PDE7B: variants seen among roughly 807,000 people sequenced by gnomAD.
PDE7B encodes phosphodiesterase 7B, also known as 3',5'-cyclic-AMP phosphodiesterase 7B.
A neutral mutation model predicts 56.2 loss-of-function variants in PDE7B; 29 were observed. That is an observed-to-expected ratio of 0.52 (90% CI 0.38 to 0.70). PDE7B has a LOEUF of 0.70. PDE7B is among the 30% of genes least tolerant of loss of function. The pLI is 0.00. For synonymous variants in PDE7B, 197 were observed against 196.9 expected (o/e 1.00, Z 0.00); for missense variants, 490 against 565.0 (o/e 0.87, Z 1.35).
intron 4 of PDE7B, among the ~76,000 whole-genome samples, chr6:136,148,059 G>A (rs532363248): frequency 1.3e-5 from 2 of 152,274 alleles, no homozygotes; most frequent in East Asian, 3.9e-4. Context: ...TGAAAAAAGT[G>A]TTCAGGTTAT....
At chr6:135,962,979 ATGGAAG>A (rs2128201689) in intron 2 of PDE7B, among the ~76,000 whole-genome samples, 1 of 152,328 alleles carries the variant, frequency 6.6e-6, no homozygotes, top group East Asian at 1.9e-4. Context: ...TCTGCGGCAA[ATGGAAG>A]CCTTCCAGAA....
intron 3 of PDE7B, among the ~76,000 whole-genome samples, chr6:136,141,408 A>G (rs4329135): frequency 0.46 from 69,919 of 151,912 alleles, 16,807 homozygotes; most frequent in African/African-American, 0.62. Context: ...GTTCATCAGG[A>G]ATATTGGTCT....
rs12529178 is a variant in PDE7B, at chr6:135,935,186, T to A, written c.22-12278T>A. On this transcript the variant is annotated intron_variant, in intron 1 of 12. Transcript: ENST00000308191. ...GACAGAGAATTTTATATATATATAT[T>A]TATTTATATATATATATATATATAT... 3.3e-3 allele frequency among the ~76,000 whole-genome samples: 127 copies of A among 38,418 alleles called. 8 individuals carry two copies. Among genetic ancestry groups the A allele is most frequent in the African/African-American group, 0.017 (116 of 6,726 alleles). The allele number at this position is 38,418 out of a possible 152,430, so 25.2% of individuals were successfully genotyped here. A position where few individuals can be genotyped will look rare whatever the true frequency, so the allele number is the denominator to read the frequency against.
chr6:135,885,330 T>TG (rs1414937386), intron 1 of PDE7B, among the ~76,000 whole-genome samples: 10 of 32,950 alleles, frequency 3.0e-4, no homozygotes, highest in African/African-American at 2.4e-3. Flanking sequence ...TGTTTGTTGT[T>TG]TTTTTTTTTT....
At chr6:135,999,767 G>A (rs1290442117) in intron 2 of PDE7B, among the ~76,000 whole-genome samples, 1 of 151,950 alleles carries the variant, frequency 6.6e-6, no homozygotes, top group Non-Finnish European at 1.5e-5. Context: ...ACATTGCTCT[G>A]GGTATATAGC....
intron 12 of PDE7B, among the ~76,000 whole-genome samples, chr6:136,191,013 CTTTTT>C (rs752187218): frequency 1.2e-4 from 12 of 99,304 alleles, no homozygotes; most frequent in African/African-American, 1.1e-3. Flanking sequence ...CCAGCATACA[CTTTTT>C]TTTTTTTTTT....
intron 8 of PDE7B, among the ~76,000 whole-genome samples, chr6:136,160,334 C>T (rs780240047): frequency 6.6e-6 from 1 of 152,028 alleles, no homozygotes; most frequent in African/African-American, 2.4e-5. Flanking sequence ...TTTAGATCTC[C>T]ATGACCATTT....
intron 3 of PDE7B, among the ~76,000 whole-genome samples, chr6:136,128,121 T>A (rs1778052053): frequency 6.6e-6 from 1 of 152,150 alleles, no homozygotes; most frequent in Admixed American, 6.5e-5. Flanking sequence ...AGGTCTTGCT[T>A]TTTACCAAGA....
At chr6:136,026,823 TTC>T (rs1776160548) in intron 2 of PDE7B, among the ~76,000 whole-genome samples, 2 of 152,198 alleles carry the variant, frequency 1.3e-5, no homozygotes. Flanking sequence ...AATCTGAAGC[TTC>T]TGTTTTCTGG....
At chr6:136,061,148 G>A (rs1465678773) in intron 2 of PDE7B, among the ~76,000 whole-genome samples, 1 of 151,950 alleles carries the variant, frequency 6.6e-6, no homozygotes, top group Non-Finnish European at 1.5e-5. Flanking sequence ...ATCAATATTA[G>A]TGTCAATGGC....
intron 1 of PDE7B, among the ~76,000 whole-genome samples, chr6:135,853,332 C>T (rs1489863672): frequency 6.6e-6 from 1 of 152,144 alleles, no homozygotes; most frequent in African/African-American, 2.4e-5. Flanking sequence ...AAGTTAAGAA[C>T]TGCAAAAATA....
At chr6:136,029,669 T>A (rs562603519) in intron 2 of PDE7B, among the ~76,000 whole-genome samples, 23 of 152,120 alleles carry the variant, frequency 1.5e-4, no homozygotes, top group Non-Finnish European at 2.9e-4. Context: ...TTTAAAGTAA[T>A]TTTCAAAATA....
At chr6:135,899,595 G>A (rs935225814) in intron 1 of PDE7B, among the ~76,000 whole-genome samples, 1 of 151,702 alleles carries the variant, frequency 6.6e-6, no homozygotes, top group African/African-American at 2.4e-5. Flanking sequence ...CATATTGCCT[G>A]TTTATATACT....
At chr6:136,088,237 T>C (rs1777324683) in intron 2 of PDE7B, among the ~76,000 whole-genome samples, 1 of 152,142 alleles carries the variant, frequency 6.6e-6, no homozygotes. Flanking sequence ...AATAAAGATC[T>C]GAGTTGTAGC....
At chr6:136,071,793 A>G (rs1163630175) in intron 2 of PDE7B, among the ~76,000 whole-genome samples, 1 of 152,202 alleles carries the variant, frequency 6.6e-6, no homozygotes, top group African/African-American at 2.4e-5. Context: ...ATTCCACTCA[A>G]TAAATTAATA....
chr6:136,062,545 G>C (rs1776861891), intron 2 of PDE7B, among the ~76,000 whole-genome samples: 1 of 152,124 alleles, frequency 6.6e-6, no homozygotes, highest in Non-Finnish European at 1.5e-5. Flanking sequence ...TCATCTTACA[G>C]CTGAAAGTTT....
intron 12 of PDE7B, among the ~76,000 whole-genome samples, chr6:136,191,390 G>A (rs1441679492): frequency 6.6e-6 from 1 of 152,228 alleles, no homozygotes; most frequent in Non-Finnish European, 1.5e-5. Flanking sequence ...AGTAAGGCCG[G>A]GCACAGTGGC....
intron 2 of PDE7B, among the ~76,000 whole-genome samples, chr6:136,035,688 T>G (rs1269658537): frequency 6.6e-6 from 1 of 152,246 alleles, no homozygotes; most frequent in Non-Finnish European, 1.5e-5. Flanking sequence ...GGCTTGGCCC[T>G]GACTCATCTC....
chr6:135,990,504 T>C (rs1292022943), intron 2 of PDE7B, among the ~76,000 whole-genome samples: 1 of 152,172 alleles, frequency 6.6e-6, no homozygotes, highest in Non-Finnish European at 1.5e-5. Flanking sequence ...TCGAGGCTCC[T>C]TTTCCCCTCT....
Sources: gnomAD v4.1 joint callset for allele counts (sites outside exome capture counted in the v4.1 genomes callset) on GRCh38, gnomAD v4.1.1 for gene constraint, MANE v1.5 for transcripts, NCBI Gene and HGNC (gene_info 2026-07-23, HGNC 2026-07-21) for gene names.